CACNG3: variants seen among roughly 807,000 people sequenced by gnomAD.
The protein encoded by CACNG3 is voltage-dependent calcium channel gamma-3 subunit.
Under a neutral mutation model 28.5 loss-of-function variants are expected in CACNG3, and 3 were observed. The observed-to-expected ratio is 0.11, with a 90% CI of 0.05 to 0.27. The LOEUF is 0.27. CACNG3 is among the 10% of genes least tolerant of loss of function. CACNG3 has a pLI of 1.00. For synonymous variants in CACNG3, 174 were observed against 162.2 expected (o/e 1.07, Z -0.55); for missense variants, 236 against 414.4 (o/e 0.57, Z 3.74).
At position 24,361,936 on chromosome 16, in the gene CACNG3, A is replaced by G; in HGVS notation, c.*73A>G. On this transcript the variant is annotated 3_prime_UTR_variant, in exon 4 of 4. Coordinates refer to ENST00000005284, the MANE Select transcript of CACNG3 (RefSeq NM_006539.4). The surrounding 1 kb of genome is among the most constrained non-coding windows in gnomAD (Gnocchi z 6.8). ...TGTACAGAGATGTCTCTGAGGTTGC[A>G]TGGCATGGTCCTTGTGATGGTATTA... The G allele has an allele frequency of 1.4e-6, 2 of 1,401,138 alleles. No homozygotes were observed. The highest frequency in any genetic ancestry group is 1.4e-5 in the South Asian group (1 of 73,590). 86.8% of individuals were successfully genotyped at this position (1,401,138 alleles called of 1,614,324 possible).
intron 1 of CACNG3, among the ~76,000 whole-genome samples, chr16:24,267,706 G>A (rs929748628): frequency 6.6e-6 from 1 of 151,904 alleles, no homozygotes; most frequent in Admixed American, 6.6e-5. Context: ...GTCTCGCTCT[G>A]TTGCCCAGGC....
intron 1 of CACNG3, among the ~76,000 whole-genome samples, chr16:24,288,693 GCTGTCT>G (rs1346522011): frequency 1.3e-5 from 2 of 152,176 alleles, no homozygotes; most frequent in Non-Finnish European, 2.9e-5. Context: ...GGCACAGCCT[GCTGTCT>G]CCATGGAACA....
chr16:24,286,446 C>CAT (rs983193876), intron 1 of CACNG3, among the ~76,000 whole-genome samples: 56 of 148,126 alleles, frequency 3.8e-4, no homozygotes, highest in East Asian at 3.8e-3. Context: ...ATATATATAT[C>CAT]ATATATATAT....
intron 1 of CACNG3, among the ~76,000 whole-genome samples, chr16:24,297,837 C>A (rs746035460): frequency 8.5e-5 from 13 of 152,136 alleles, no homozygotes; most frequent in South Asian, 2.1e-4. Flanking sequence ...AAAACCCTCA[C>A]ACTGTAAAGG....
chr16:24,319,247 C>T (rs908304769), intron 1 of CACNG3, among the ~76,000 whole-genome samples: 5 of 152,016 alleles, frequency 3.3e-5, no homozygotes, highest in South Asian at 4.1e-4. Context: ...GTGAACTATG[C>T]GCATATTTAG....
intron 1 of CACNG3, among the ~76,000 whole-genome samples, chr16:24,319,958 A>G (rs1287055318): frequency 1.3e-5 from 2 of 152,160 alleles, no homozygotes; most frequent in East Asian, 3.9e-4. Context: ...TTTAGTAGAG[A>G]TGGGGTTTCA....
intron 1 of CACNG3, among the ~76,000 whole-genome samples, chr16:24,332,515 C>T (rs914417344): frequency 1.3e-5 from 2 of 151,532 alleles, no homozygotes; most frequent in Non-Finnish European, 2.9e-5. Context: ...GTGCATCAAC[C>T]ACAGTTCTTT....
At position 24,288,180 on chromosome 16, in the gene CACNG3, AGTGATG is replaced by A. The variant is rs890962665; in HGVS notation, c.211+31240_211+31245del. ...ACTTTGCTAGGATTGCAGAGCTAGA[AGTGATG>A]GTGATGGTGATGGTGATGGTGATGA... On this transcript the variant is annotated intron_variant, in intron 1 of 3. Coordinates refer to ENST00000005284, the MANE Select transcript of CACNG3 (RefSeq NM_006539.4). Among the ~76,000 whole-genome samples the A allele has an allele frequency of 1.2e-3, 176 of 152,276 alleles. 1 individual carries two copies. The highest frequency in any genetic ancestry group is 3.0e-3 in the African/African-American group (124 of 41,578).
intron 1 of CACNG3, among the ~76,000 whole-genome samples, chr16:24,319,129 C>T (rs557918886): frequency 6.6e-6 from 1 of 152,044 alleles, no homozygotes; most frequent in Non-Finnish European, 1.5e-5. Context: ...AAAAAAGAAA[C>T]CGGGTTGATT....
intron 1 of CACNG3, among the ~76,000 whole-genome samples, chr16:24,306,863 C>A (rs78374006): frequency 6.6e-6 from 1 of 152,264 alleles, no homozygotes; most frequent in East Asian, 1.9e-4. Flanking sequence ...GACCCCCAGT[C>A]TCTCAACTAG....
intron 2 of CACNG3, among the ~76,000 whole-genome samples, chr16:24,350,883 G>C (rs1369435856): frequency 1.3e-5 from 2 of 152,132 alleles, no homozygotes; most frequent in Non-Finnish European, 2.9e-5. Context: ...AATCCAGCTG[G>C]AAACCCATAG....
At chr16:24,284,546 G>T (rs1898869168) in intron 1 of CACNG3, among the ~76,000 whole-genome samples, 1 of 151,868 alleles carries the variant, frequency 6.6e-6, no homozygotes, top group Non-Finnish European at 1.5e-5. Context: ...TTTATAATTG[G>T]TGTCATTTCT....
intron 3 of CACNG3, 137 bp downstream of exon 3, chr16:24,355,110 C>A (rs1419391862): frequency 2.4e-6 from 2 of 843,044 alleles, no homozygotes; most frequent in Non-Finnish European, 1.8e-6. Flanking sequence ...AGGATGAGAA[C>A]TCCAAGAATT....
chr16:24,264,314 G>A (rs1227249678), intron 1 of CACNG3, among the ~76,000 whole-genome samples: 4 of 152,226 alleles, frequency 2.6e-5, no homozygotes, highest in Non-Finnish European at 5.9e-5. Context: ...CCAAAGGGAG[G>A]AGGGTGTGTA....
chr16:24,283,778 C>T (rs9935975), intron 1 of CACNG3, among the ~76,000 whole-genome samples: 11 of 151,920 alleles, frequency 7.2e-5, no homozygotes, highest in African/African-American at 2.4e-4. Flanking sequence ...TCACAGATCT[C>T]GGTTTACATC....
In CACNG3 at chr16:24,256,669, AG is replaced by A; in HGVS notation, c.-84del. Reference sequence around the variant, plus strand: ...CTGAATTTTTGGAAGAGCCTGTACTAGGTTACCCGGCTGCAGAGTGATTTTC... The same window carrying A: ...CTGAATTTTTGGAAGAGCCTGTACTAGTTACCCGGCTGCAGAGTGATTTTC... On this transcript the variant is annotated 5_prime_UTR_variant, in exon 1 of 4. An upstream open reading frame in the 5' UTR loses its in-frame stop. Transcript: ENST00000005284. This position sits in a 1 kb window ranked among gnomAD's most constrained non-coding sequence, Gnocchi z 4.6. The A allele has an allele frequency of 1.1e-6, 1 of 876,818 alleles. No homozygotes were observed. Among genetic ancestry groups the A allele is most frequent in the Admixed American group, 1.7e-5 (1 of 58,266 alleles). 54.3% of individuals were successfully genotyped at this position (876,818 alleles called of 1,614,324 possible).
At chr16:24,336,882 A>G (rs1899718370) in intron 1 of CACNG3, among the ~76,000 whole-genome samples, 1 of 152,096 alleles carries the variant, frequency 6.6e-6, no homozygotes. Context: ...TGGTGTGATC[A>G]TAGCTCACTG....
intron 1 of CACNG3, among the ~76,000 whole-genome samples, chr16:24,272,580 TA>T: frequency 6.6e-6 from 1 of 152,318 alleles, no homozygotes; most frequent in South Asian, 2.1e-4. Flanking sequence ...ACTTGCCATT[TA>T]TTTTTCAGTT....
chr16:24,279,418 T>G (rs1358283411), intron 1 of CACNG3, among the ~76,000 whole-genome samples: 4 of 152,076 alleles, frequency 2.6e-5, no homozygotes. Flanking sequence ...CTCAGCCTCC[T>G]GAGTAGCTGG....
Sources: gnomAD v4.1 joint callset for allele counts (sites outside exome capture counted in the v4.1 genomes callset) on GRCh38, gnomAD v4.1.1 for gene constraint, Gnocchi (gnomAD v3.1) non-coding constraint, MANE v1.5 for transcripts, NCBI Gene and HGNC (gene_info 2026-07-23, HGNC 2026-07-21) for gene names.